The following SLC25A21 variants were observed in gnomAD, a reference collection of about 807,000 sequenced individuals.
SLC25A21 encodes solute carrier family 25 member 21.
In SLC25A21, 47 loss-of-function variants were observed where a neutral mutation model predicts 43.8. The ratio of observed to expected loss-of-function variants is 1.07; its 90% CI spans 0.85 to 1.37. The LOEUF (loss-of-function observed/expected upper bound fraction) is 1.37, where lower values mean the gene tolerates loss of function less well. SLC25A21 is among the 40% of genes most tolerant of loss of function. SLC25A21 has a pLI of 0.00. For synonymous variants in SLC25A21, 131 were observed against 121.3 expected, an observed-to-expected ratio of 1.08 and a Z score of -0.52; for missense variants, 352 against 350.2, an observed-to-expected ratio of 1.00 and a Z score of -0.04.
intron 1 of SLC25A21, among the ~76,000 whole-genome samples, chr14:36,988,410 T>G (rs1960191953): frequency 6.6e-6 from 1 of 152,192 alleles, no homozygotes; most frequent in Non-Finnish European, 1.5e-5. Flanking sequence ...GTTGAGATAT[T>G]AAACGCTTGC....
rs550488520 is a variant in SLC25A21, at chr14:36,925,024, C to T, written c.71-50020G>A. 7.4e-4 allele frequency among the ~76,000 whole-genome samples: 112 copies of T among 152,026 alleles called. 1 individual carries two copies. The highest frequency in any genetic ancestry group is 6.8e-3 in the Middle Eastern group (2 of 294). Reference sequence around the variant, plus strand: ...TGGAATGTGGTACAATGTTAGCTGACGGTAGACTAACTTAAGGTTAAAAAA... The same window carrying T: ...TGGAATGTGGTACAATGTTAGCTGATGGTAGACTAACTTAAGGTTAAAAAA... On this transcript the variant is annotated intron_variant, in intron 1 of 9. Transcript: ENST00000331299.
chr14:37,107,987 T>G (rs2138873191), intron 1 of SLC25A21, among the ~76,000 whole-genome samples: 1 of 152,300 alleles, frequency 6.6e-6, no homozygotes, highest in African/African-American at 2.4e-5. Flanking sequence ...GTGTCCAAGC[T>G]TGAACAATAC....
chr14:36,719,232 T>C (rs1225878203), intron 6 of SLC25A21, among the ~76,000 whole-genome samples: 1 of 152,220 alleles, frequency 6.6e-6, no homozygotes, highest in African/African-American at 2.4e-5. Flanking sequence ...AGGGGACTTC[T>C]AGTTCTTATA....
At chr14:36,872,674 C>T (rs761379634) in intron 2 of SLC25A21, among the ~76,000 whole-genome samples, 4 of 152,170 alleles carry the variant, frequency 2.6e-5, no homozygotes, top group East Asian at 1.9e-4. Context: ...CCCTCTCCTT[C>T]GGAGCACCTG....
intron 1 of SLC25A21, among the ~76,000 whole-genome samples, chr14:36,980,188 T>A (rs1022878215): frequency 2.0e-5 from 3 of 152,246 alleles, no homozygotes; most frequent in African/African-American, 7.2e-5. Flanking sequence ...ATCTTTTCCT[T>A]CATTTCAACT....
At chr14:36,717,679 T>A (rs1312125143) in intron 6 of SLC25A21, among the ~76,000 whole-genome samples, 3 of 152,240 alleles carry the variant, frequency 2.0e-5, no homozygotes, top group Non-Finnish European at 4.4e-5. Flanking sequence ...TTCTTCATGG[T>A]CTCATAAACA....
intron 7 of SLC25A21, among the ~76,000 whole-genome samples, chr14:36,693,613 T>A (rs111750130): frequency 2.6e-5 from 4 of 152,162 alleles, no homozygotes; most frequent in Admixed American, 6.5e-5. Context: ...TTTATACATA[T>A]CACATATCTA....
At chr14:36,859,432 A>C (rs1299895113) in intron 2 of SLC25A21, among the ~76,000 whole-genome samples, 2 of 152,240 alleles carry the variant, frequency 1.3e-5, no homozygotes, top group Non-Finnish European at 2.9e-5. Flanking sequence ...CATGAAGCCC[A>C]CTTGTCACCA....
At chr14:36,977,396 T>C (rs966751389) in intron 1 of SLC25A21, among the ~76,000 whole-genome samples, 2 of 152,130 alleles carry the variant, frequency 1.3e-5, no homozygotes, top group Non-Finnish European at 2.9e-5. Context: ...TTGAATAAAT[T>C]AAAAAGGAAT....
intron 1 of SLC25A21, among the ~76,000 whole-genome samples, chr14:36,923,833 G>A (rs574202447): frequency 6.6e-6 from 1 of 151,940 alleles, no homozygotes; most frequent in Admixed American, 6.6e-5. Flanking sequence ...AAATTTACAA[G>A]AAAAAAACAA....
chr14:37,137,268 A>G (rs893257927), intron 1 of SLC25A21, among the ~76,000 whole-genome samples: 2 of 152,196 alleles, frequency 1.3e-5, no homozygotes, highest in Non-Finnish European at 2.9e-5. Context: ...AAGTGCTGGG[A>G]TTACAGGCGT....
chr14:37,079,753 T>A (rs577231974), intron 1 of SLC25A21, among the ~76,000 whole-genome samples: 18 of 152,312 alleles, frequency 1.2e-4, no homozygotes, highest in Non-Finnish European at 2.2e-4. Context: ...AAACATTCAG[T>A]TGGAACATGC....
chr14:37,148,618 C>A (rs1002076498), intron 1 of SLC25A21, among the ~76,000 whole-genome samples: 12 of 152,154 alleles, frequency 7.9e-5, no homozygotes, highest in Admixed American at 7.9e-4. Context: ...CAAAACAGGT[C>A]TCAATGAAAT....
chr14:36,971,711 T>C (rs544992421), intron 1 of SLC25A21, among the ~76,000 whole-genome samples: 1 of 152,196 alleles, frequency 6.6e-6, no homozygotes, highest in South Asian at 2.1e-4. Flanking sequence ...CATGTGTCCA[T>C]GTCCTAATCT....
chr14:36,838,260 C>G (rs117001618), intron 2 of SLC25A21, among the ~76,000 whole-genome samples: 1,606 of 152,286 alleles, frequency 0.011, 27 homozygotes, highest in South Asian at 0.052. Flanking sequence ...AGAGGGGTCA[C>G]ATGTCTGTAC....
rs544901514 is a variant in SLC25A21, at chr14:36,964,192, T to G, written c.71-89188A>C. On this transcript the variant is annotated intron_variant, in intron 1 of 9. Transcript: ENST00000331299. ...TCCTGATTTATGAATCAATAGCATA[T>G]TTGTAATTGGCACACTGATTGTAAG... 2.0e-5 allele frequency among the ~76,000 whole-genome samples: 3 copies of G among 152,338 alleles called. No individual in the cohort carries two copies. The East Asian group carries it at 5.8e-4, about 29-fold the overall frequency.
At chr14:36,889,719 C>T (rs1469100896) in intron 1 of SLC25A21, among the ~76,000 whole-genome samples, 2 of 151,632 alleles carry the variant, frequency 1.3e-5, no homozygotes, top group African/African-American at 4.8e-5. Flanking sequence ...TCTCAAACTC[C>T]TCCTCAAGCA....
At chr14:36,756,112 T>A (rs1885917954) in intron 3 of SLC25A21, among the ~76,000 whole-genome samples, 1 of 152,182 alleles carries the variant, frequency 6.6e-6, no homozygotes, top group South Asian at 2.1e-4. Flanking sequence ...ACCATTCTCA[T>A]TTGCCTTGGG....
intron 3 of SLC25A21, among the ~76,000 whole-genome samples, chr14:36,804,407 C>T (rs1887968322): frequency 6.6e-6 from 1 of 152,182 alleles, no homozygotes; most frequent in African/African-American, 2.4e-5. Flanking sequence ...CCAGCCCCAA[C>T]AAATACAGCT....
Sources: gnomAD v4.1 joint callset for allele counts (sites outside exome capture counted in the v4.1 genomes callset) on GRCh38, gnomAD v4.1.1 for gene constraint, MANE v1.5 for transcripts, NCBI Gene and HGNC (gene_info 2026-07-23, HGNC 2026-07-21) for gene names.